Variants in RPRD1B observed in about 807,000 individuals in gnomAD.
RPRD1B encodes the protein regulation of nuclear pre-mRNA domain containing 1B.
A neutral mutation model predicts 41.5 loss-of-function variants in RPRD1B; 11 were observed. That is an observed-to-expected ratio of 0.27 (90% CI 0.17 to 0.44). RPRD1B has a LOEUF of 0.44. Among genes scored for constraint, RPRD1B ranks in the 20% least tolerant of loss-of-function variants. RPRD1B has a pLI of 1.00. For missense variants in RPRD1B, 248 were observed against 389.9 expected (o/e 0.64, Z 3.06); for synonymous variants, 158 against 155.6 (o/e 1.02, Z -0.12).
At chr20:38,049,367 C>CTTTTTTTTTTTTTTTTTTTTTTTT (rs11481142) in intron 3 of RPRD1B, among the ~76,000 whole-genome samples, 1 of 93,418 alleles carries the variant, frequency 1.1e-5, no homozygotes, top group Non-Finnish European at 2.1e-5. Context: ...TTCTTTTTTT[C>CTTTTTTTTTTTTTTTTTTTTTTTT]TTTTTTTTTT....
At chr20:38,063,405 G>A (rs1224441758) in intron 5 of RPRD1B, among the ~76,000 whole-genome samples, 2 of 152,094 alleles carry the variant, frequency 1.3e-5, no homozygotes, top group East Asian at 3.9e-4. Context: ...TTTATTCTCT[G>A]CTGTTTCTAA....
chr20:38,068,038 T>C (rs1482262021), intron 6 of RPRD1B, among the ~76,000 whole-genome samples: 1 of 152,204 alleles, frequency 6.6e-6, no homozygotes, highest in Non-Finnish European at 1.5e-5. Context: ...CTGTTTTCCC[T>C]CCCCACAGTT....
At chr20:38,055,500 C>T (rs1046806729) in intron 3 of RPRD1B, among the ~76,000 whole-genome samples, 12 of 150,084 alleles carry the variant, frequency 8.0e-5, no homozygotes, top group Non-Finnish European at 1.5e-4. Flanking sequence ...TCATTCTTTT[C>T]ATCACTCCCA....
At chr20:38,067,936 G>T (rs1414056449) in intron 6 of RPRD1B, among the ~76,000 whole-genome samples, 1 of 152,238 alleles carries the variant, frequency 6.6e-6, no homozygotes, top group East Asian at 1.9e-4. Flanking sequence ...TGATTATCAT[G>T]AGCAGCTGTT....
intron 3 of RPRD1B, among the ~76,000 whole-genome samples, chr20:38,049,367 C>CTTTTTTTTTTTTTTTTTTTTTTTTTTTCT (rs11481142): frequency 2.1e-5 from 2 of 93,418 alleles, no homozygotes; most frequent in South Asian, 3.9e-4. Flanking sequence ...TTCTTTTTTT[C>CTTTTTTTTTTTTTTTTTTTTTTTTTTTCT]TTTTTTTTTT....
At chr20:38,078,688 C>T (rs1166511151) in intron 6 of RPRD1B, among the ~76,000 whole-genome samples, 3 of 152,160 alleles carry the variant, frequency 2.0e-5, no homozygotes, top group Non-Finnish European at 4.4e-5. Flanking sequence ...TCGGTGTCTG[C>T]CTTTGATGGG....
chr20:38,091,830 A>G lies in RPRD1B; in HGVS notation c.*1955A>G, dbSNP rs759516862. ...TTAGCCCACTGCTCTGTTTTATCCA[A>G]CTGAGTCTCTGACCAGCAATTGGTG... On this transcript the variant is annotated 3_prime_UTR_variant, in exon 7 of 7. Transcript: ENST00000373433. 1.0e-4 allele frequency: 101 copies of G among 985,760 alleles called. No individual in the cohort carries two copies. Among genetic ancestry groups the G allele is most frequent in the Admixed American group, 1.2e-4 (2 of 16,270 alleles). 61.1% of individuals were successfully genotyped at this position (985,760 alleles called of 1,614,324 possible). A position where few individuals can be genotyped will look rare whatever the true frequency, so the allele number is the denominator to read the frequency against.
At chr20:38,074,792 CA>C (rs1393859179) in intron 6 of RPRD1B, among the ~76,000 whole-genome samples, 1 of 152,128 alleles carries the variant, frequency 6.6e-6, no homozygotes, top group Non-Finnish European at 1.5e-5. Flanking sequence ...AGTAATACAT[CA>C]GAGGAAACTT....
At chr20:38,088,110 C>T (rs1271701677) in intron 6 of RPRD1B, among the ~76,000 whole-genome samples, 1 of 152,186 alleles carries the variant, frequency 6.6e-6, no homozygotes, top group Non-Finnish European at 1.5e-5. Context: ...CCTTTGTAGA[C>T]TGTGTGAGGA....
chr20:38,040,514 C>T lies in RPRD1B; in HGVS notation c.231C>T (p.Phe77=). 1.2e-6 allele frequency: 2 copies of T among 1,609,870 alleles called. No homozygotes were observed. The highest frequency in any genetic ancestry group is 8.5e-7 in the Non-Finnish European group (1 of 1,178,332). ...ACAGTAAAAGGAAAGGACCTGAATTCACTAGAGAATTTGAATCTGTCCTTG... is the reference window on the plus strand; with the variant it reads ...ACAGTAAAAGGAAAGGACCTGAATTTACTAGAGAATTTGAATCTGTCCTTG... ...IQNSKRKGPE[F]TREFESVLVD... Residue 77 remains phenylalanine (F), a synonymous_variant, in exon 2 of 7, where the codon TTC becomes TTT. Transcript: ENST00000373433.
chr20:38,072,646 G>A (rs2074423737), intron 6 of RPRD1B, among the ~76,000 whole-genome samples: 1 of 152,196 alleles, frequency 6.6e-6, no homozygotes, highest in African/African-American at 2.4e-5. Context: ...CTCATGAACA[G>A]GGGATGTCTT....
chr20:38,036,455 A>G (rs187560634), intron 1 of RPRD1B, among the ~76,000 whole-genome samples: 1 of 152,334 alleles, frequency 6.6e-6, no homozygotes, highest in African/African-American at 2.4e-5. Context: ...CCAGTTTAGC[A>G]TTTAATTTGT....
intron 6 of RPRD1B, among the ~76,000 whole-genome samples, chr20:38,076,906 C>CTTTTTTTT (rs573460686): frequency 0.029 from 1,842 of 63,486 alleles, 434 homozygotes; most frequent in Non-Finnish European, 0.039. Flanking sequence ...CATTCTGGAC[C>CTTTTTTTT]TTTTTTTTTT....
chr20:38,091,234 A>C lies in RPRD1B; in HGVS notation c.*1359A>C. The C allele has an allele frequency of 1.0e-6, 1 of 985,878 alleles. No homozygotes were observed. The highest frequency in any genetic ancestry group is 1.2e-6 in the Non-Finnish European group (1 of 829,942). The allele number at this position is 985,878 out of a possible 1,614,324, so 61.1% of individuals were successfully genotyped here. On this transcript the variant is annotated 3_prime_UTR_variant, in exon 7 of 7. Transcript: ENST00000373433. ...ACCCAAACTATATAAAAAGGAATTC[A>C]GTGGAGGGGGCTTTGTAATCTCCAT...
chr20:38,035,911 C>G (rs1007359735), intron 1 of RPRD1B, among the ~76,000 whole-genome samples: 3 of 151,928 alleles, frequency 2.0e-5, no homozygotes, highest in Admixed American at 2.0e-4. Context: ...ACTACAGGGG[C>G]CCGCCACCAC....
chr20:38,051,394 C>A (rs571556599), intron 3 of RPRD1B, among the ~76,000 whole-genome samples: 6 of 152,276 alleles, frequency 3.9e-5, no homozygotes, highest in Middle Eastern at 3.4e-3. Flanking sequence ...AGGGTAGATA[C>A]AAAGGGACTA....
At chr20:38,089,658 G>A in intron 6 of RPRD1B, 68 bp from the exon 7 acceptor site, 1 of 1,336,416 alleles carries the variant, frequency 7.5e-7, no homozygotes, top group Non-Finnish European at 1.1e-6. Flanking sequence ...TAGCTGCCCG[G>A]CTCCAGCAGC....
chr20:38,090,753 A>T lies in RPRD1B; in HGVS notation c.*878A>T. ...CACACACAGGTGTGCTGCATTTGGG[A>T]TCTGTGTGGGTGTTTCTTGGACCCT... is the stretch of plus-strand genomic sequence containing the variant. On this transcript the variant is annotated 3_prime_UTR_variant, in exon 7 of 7. Coordinates refer to ENST00000373433, the MANE Select transcript of RPRD1B (RefSeq NM_021215.4). 3 of 985,476 alleles carry T rather than the reference A, an allele frequency of 3.0e-6. No individual in the cohort carries two copies. The highest frequency in any genetic ancestry group is 3.6e-6 in the Non-Finnish European group (3 of 829,972). 61.0% of individuals were successfully genotyped at this position (985,476 alleles called of 1,614,324 possible). A position where few individuals can be genotyped will look rare whatever the true frequency, so the allele number is the denominator to read the frequency against.
In RPRD1B at chr20:38,042,373, C is replaced by T. The variant is rs141781817; in HGVS notation, c.281+1809C>T. Reference sequence around the variant, plus strand: ...TGTCTCTAAATTACAAACAGACAAACGATCTGTAATCTTTAGCTGTCCTGA... The same window carrying T: ...TGTCTCTAAATTACAAACAGACAAATGATCTGTAATCTTTAGCTGTCCTGA... On this transcript the variant is annotated intron_variant, in intron 2 of 6. Transcript: ENST00000373433. Among the ~76,000 whole-genome samples, 529 of 152,088 alleles carry T rather than the reference C, an allele frequency of 3.5e-3. 2 individuals carry two copies. The highest frequency in any genetic ancestry group is 0.012 in the African/African-American group (500 of 41,464).
Sources: gnomAD v4.1 joint callset for allele counts (sites outside exome capture counted in the v4.1 genomes callset) on GRCh38, gnomAD v4.1.1 for gene constraint, MANE v1.5 for transcripts, NCBI Gene and HGNC (gene_info 2026-07-23, HGNC 2026-07-21) for gene names.